The following SLC24A2 variants were observed in gnomAD, a reference collection of about 807,000 sequenced individuals.
SLC24A2 encodes the protein sodium/potassium/calcium exchanger 2.
SLC24A2 carries 36 observed loss-of-function variants against 62.0 expected under a neutral mutation model. That is an observed-to-expected ratio of 0.58 (90% CI 0.44 to 0.77). The LOEUF (loss-of-function observed/expected upper bound fraction) is 0.77, where lower values mean the gene tolerates loss of function less well. SLC24A2 is among the 30% of genes least tolerant of loss of function. The probability of loss-of-function intolerance (pLI) is 0.00; values close to 1 mark genes in which losing one functional copy is unlikely to be tolerated. For missense variants in SLC24A2, 846 were observed against 817.9 expected (o/e 1.03, Z -0.42); for synonymous variants, 358 against 294.0 (o/e 1.22, Z -2.23).
At chr9:19,567,441 G>C (rs912959263) in intron 7 of SLC24A2, among the ~76,000 whole-genome samples, 2 of 150,874 alleles carry the variant, frequency 1.3e-5, no homozygotes, top group Non-Finnish European at 2.9e-5. Flanking sequence ...AGCTACTTGG[G>C]AGGCTGAGGC....
At chr9:19,971,155 C>T in the SLC24A2 span, among the ~76,000 whole-genome samples, 1 of 152,272 alleles carries the variant, frequency 6.6e-6, no homozygotes, top group East Asian at 1.9e-4. Flanking sequence ...CAGAGTAGAG[C>T]AAAAGTCACC....
intron 2 of SLC24A2, among the ~76,000 whole-genome samples, chr9:19,644,996 A>G (rs1042751911): frequency 6.6e-6 from 1 of 152,214 alleles, no homozygotes. Context: ...CTATACAAGG[A>G]GAATCAGAAA....
chr9:19,665,749 A>C (rs1819233442), intron 2 of SLC24A2, among the ~76,000 whole-genome samples: 1 of 151,956 alleles, frequency 6.6e-6, no homozygotes, highest in Non-Finnish European at 1.5e-5. Context: ...CTCAGCCCTC[A>C]AGTAGCTGGT....
At chr9:19,918,040 A>AAAT in the SLC24A2 span, among the ~76,000 whole-genome samples, 2 of 152,058 alleles carry the variant, frequency 1.3e-5, no homozygotes, top group East Asian at 3.9e-4. Context: ...CTGGTTTACT[A>AAAT]AATTGTTTTT....
chr9:20,302,675 C>G, the SLC24A2 span, among the ~76,000 whole-genome samples: 1 of 152,160 alleles, frequency 6.6e-6, no homozygotes, highest in East Asian at 1.9e-4. Flanking sequence ...CAGTCTATGG[C>G]TTGTCTTCTC....
rs1823172222 is a variant in SLC24A2, at chr9:19,786,373, G to A, written c.494C>T (p.Thr165Ile). Residue 165 changes from threonine (T) to isoleucine (I), a missense_variant, in exon 2 of 11, where the codon ACT (threonine) becomes ATT (isoleucine). Transcript: ENST00000341998. This position sits in a 1 kb window ranked among gnomAD's most constrained non-coding sequence, Gnocchi z 5.0. Reference protein sequence around the residue: ...EFFVPSLTVITEKLGISDDVA... With the variant: ...EFFVPSLTVIIEKLGISDDVA... ...ATCATCAGAGATGCCCAGTTTTTCAGTGATGACAGTCAAAGAAGGAACAAA... is the reference window on the plus strand; with the variant it reads ...ATCATCAGAGATGCCCAGTTTTTCAATGATGACAGTCAAAGAAGGAACAAA... 1 of 1,614,080 alleles carries A rather than the reference G, an allele frequency of 6.2e-7. No homozygotes were observed. The highest frequency in any genetic ancestry group is 1.7e-5 in the Admixed American group (1 of 60,008).
the SLC24A2 span, among the ~76,000 whole-genome samples, chr9:20,110,015 A>C: frequency 6.6e-6 from 1 of 152,138 alleles, no homozygotes; most frequent in Non-Finnish European, 1.5e-5. Flanking sequence ...TTACATATAT[A>C]CAGGGTTAAT....
chr9:20,233,342 T>C, the SLC24A2 span, among the ~76,000 whole-genome samples: 6 of 152,268 alleles, frequency 3.9e-5, no homozygotes, highest in African/African-American at 1.2e-4. Context: ...AGTCTCCCAT[T>C]ATTATTGTGT....
At chr9:20,002,646 G>A in the SLC24A2 span, among the ~76,000 whole-genome samples, 1 of 152,184 alleles carries the variant, frequency 6.6e-6, no homozygotes, top group Non-Finnish European at 1.5e-5. Context: ...CTTAACCACA[G>A]ATGGGACAGG....
the SLC24A2 span, among the ~76,000 whole-genome samples, chr9:19,874,211 C>CT: frequency 6.6e-6 from 1 of 151,468 alleles, no homozygotes; most frequent in Non-Finnish European, 1.5e-5. Flanking sequence ...TCCTGAGTAG[C>CT]TGGGATGACA....
At position 19,785,945 on chromosome 9, in the gene SLC24A2, G is replaced by C; in HGVS notation, c.922C>G (p.Gln308Glu). ...KVVKVTAPEA[Q>E]AKPSAARDKD... The stretch of plus-strand genomic sequence containing the variant: ...AATCCACCACCACCAACCTTTGCTT[G>C]GGCTTCTGGTGCTGTCACCTTGACG... Residue 308 changes from glutamine to glutamate, a missense_variant, in exon 2 of 11, where the codon CAA (glutamine) becomes GAA (glutamate). Gln to Glu is a conservative substitution (Grantham distance 29, BLOSUM62 2). Coordinates refer to ENST00000341998, the MANE Select transcript of SLC24A2 (RefSeq NM_020344.4). 1 of 1,614,150 alleles carries C rather than the reference G, an allele frequency of 6.2e-7. No individual in the cohort carries two copies. Among genetic ancestry groups the C allele is most frequent in the African/African-American group, 1.3e-5 (1 of 75,034 alleles).
chr9:20,267,337 T>C, the SLC24A2 span, among the ~76,000 whole-genome samples: 2 of 152,130 alleles, frequency 1.3e-5, no homozygotes, highest in East Asian at 3.9e-4. Context: ...CCTGGTAAGT[T>C]TGGAATAAGA....
the SLC24A2 span, among the ~76,000 whole-genome samples, chr9:20,296,688 C>T: frequency 6.6e-6 from 1 of 152,178 alleles, no homozygotes; most frequent in Non-Finnish European, 1.5e-5. Flanking sequence ...TTTTTGTTTG[C>T]TCTCGTCAAA....
At chr9:20,071,105 T>G in the SLC24A2 span, among the ~76,000 whole-genome samples, 1 of 152,180 alleles carries the variant, frequency 6.6e-6, no homozygotes, top group East Asian at 1.9e-4. Flanking sequence ...CCTCCTTGCC[T>G]TCCACCATGA....
At chr9:19,913,659 ATT>A in the SLC24A2 span, among the ~76,000 whole-genome samples, 2 of 152,208 alleles carry the variant, frequency 1.3e-5, no homozygotes, top group Admixed American at 6.5e-5. Context: ...CTTTCATTGT[ATT>A]TCATGAGATT....
At chr9:20,026,439 A>G in the SLC24A2 span, among the ~76,000 whole-genome samples, 1 of 152,192 alleles carries the variant, frequency 6.6e-6, no homozygotes, top group Non-Finnish European at 1.5e-5. Flanking sequence ...ATTTTATCAC[A>G]TTTAAAAAAT....
intron 2 of SLC24A2, among the ~76,000 whole-genome samples, chr9:19,633,433 G>A (rs1818227534): frequency 6.6e-6 from 1 of 152,224 alleles, no homozygotes; most frequent in Non-Finnish European, 1.5e-5. Context: ...GAGTGATGAA[G>A]TGTTTCTGCT....
chr9:20,136,643 G>C, the SLC24A2 span, among the ~76,000 whole-genome samples: 7 of 152,024 alleles, frequency 4.6e-5, no homozygotes, highest in Non-Finnish European at 1.0e-4. Flanking sequence ...GCAACAAATT[G>C]ACCACAAATT....
At chr9:19,768,935 T>G (rs1822599663) in intron 2 of SLC24A2, among the ~76,000 whole-genome samples, 1 of 152,146 alleles carries the variant, frequency 6.6e-6, no homozygotes, top group African/African-American at 2.4e-5. Flanking sequence ...TTTGAGTTCT[T>G]CCCTGCTACA....
Sources: allele counts gnomAD v4.1 joint callset (sites outside exome capture counted in the v4.1 genomes callset), GRCh38; gene constraint gnomAD v4.1.1; non-coding constraint Gnocchi (gnomAD v3.1); transcripts MANE v1.5; gene names NCBI Gene and HGNC (gene_info 2026-07-23, HGNC 2026-07-21).